DMRT1: variants seen among roughly 807,000 people sequenced by gnomAD.
DMRT1 encodes the protein doublesex- and mab-3-related transcription factor 1.
A neutral mutation model predicts 32.3 loss-of-function variants in DMRT1; 7 were observed. That is an observed-to-expected ratio of 0.22 (90% CI 0.12 to 0.41). The LOEUF (loss-of-function observed/expected upper bound fraction) is 0.41. DMRT1 is among the 10% of genes least tolerant of loss of function. The pLI is 1.00. For missense variants in DMRT1, 625 were observed against 500.5 expected, an observed-to-expected ratio of 1.25 and a Z score of -2.37; for synonymous variants, 278 against 206.1, an observed-to-expected ratio of 1.35 and a Z score of -2.99.
intron 4 of DMRT1, among the ~76,000 whole-genome samples, chr9:947,907 A>T (rs2129940247): frequency 6.6e-6 from 1 of 152,184 alleles, no homozygotes; most frequent in East Asian, 1.9e-4. Context: ...TGATGAATGG[A>T]TTTCTCCCAA....
chr9:912,898 T>C (rs1818038662), intron 3 of DMRT1, among the ~76,000 whole-genome samples: 1 of 152,212 alleles, frequency 6.6e-6, no homozygotes, highest in East Asian at 1.9e-4. Context: ...AGTTCCCTTC[T>C]CACCTTACTC....
At chr9:842,979 C>T (rs542444597) in intron 1 of DMRT1, 2 of 152,326 alleles carry the variant, frequency 1.3e-5, no homozygotes, top group South Asian at 4.1e-4. Context: ...GAGGGTTCGA[C>T]TCCAAGGGAA....
chr9:900,455 C>A (rs1165084775), intron 3 of DMRT1, among the ~76,000 whole-genome samples: 3 of 152,058 alleles, frequency 2.0e-5, no homozygotes, highest in Admixed American at 2.0e-4. Flanking sequence ...CAAAACAAGT[C>A]ACTTTCCAAA....
chr9:942,354 A>G (rs894215616), intron 4 of DMRT1, among the ~76,000 whole-genome samples: 2 of 152,002 alleles, frequency 1.3e-5, no homozygotes, highest in African/African-American at 4.8e-5. Context: ...GCTCACTGCA[A>G]CCCCAACCTC....
intron 1 of DMRT1, among the ~76,000 whole-genome samples, chr9:846,609 C>G (rs941591755): frequency 1.3e-5 from 2 of 152,146 alleles, no homozygotes; most frequent in African/African-American, 4.8e-5. Flanking sequence ...GAGACAGGGT[C>G]TTGCTCTGTC....
intron 3 of DMRT1, among the ~76,000 whole-genome samples, chr9:897,521 G>A (rs187207529): frequency 2.0e-4 from 31 of 151,848 alleles, no homozygotes; most frequent in African/African-American, 6.8e-4. Flanking sequence ...GAGCCCGGGA[G>A]TTGGAGGCTG....
intron 3 of DMRT1, among the ~76,000 whole-genome samples, chr9:907,046 G>A (rs1443892711): frequency 6.6e-6 from 1 of 151,908 alleles, no homozygotes. Flanking sequence ...TAATCTTATC[G>A]TCAGTAACCA....
intron 3 of DMRT1, among the ~76,000 whole-genome samples, chr9:907,149 G>T (rs979079723): frequency 6.6e-6 from 1 of 152,178 alleles, no homozygotes; most frequent in African/African-American, 2.4e-5. Context: ...CATTGTAGAT[G>T]CCTTCAGAGA....
chr9:875,156 C>G (rs368216291), intron 2 of DMRT1, among the ~76,000 whole-genome samples: 2 of 152,096 alleles, frequency 1.3e-5, no homozygotes, highest in African/African-American at 4.8e-5. Context: ...ATGTGCTTGT[C>G]GTTCTGATAA....
chr9:903,801 A>T (rs1277621546), intron 3 of DMRT1, among the ~76,000 whole-genome samples: 1 of 152,216 alleles, frequency 6.6e-6, no homozygotes, highest in African/African-American at 2.4e-5. Context: ...CTCAGAGAAT[A>T]TCTAGAAGGA....
At chr9:946,682 C>T (rs944466900) in intron 4 of DMRT1, among the ~76,000 whole-genome samples, 4 of 152,176 alleles carry the variant, frequency 2.6e-5, no homozygotes, top group Admixed American at 6.5e-5. Context: ...CATTACTAGG[C>T]GATCTCCCCA....
intron 2 of DMRT1, among the ~76,000 whole-genome samples, chr9:889,401 A>G (rs1258276663): frequency 6.6e-6 from 1 of 152,244 alleles, no homozygotes; most frequent in Non-Finnish European, 1.5e-5. Flanking sequence ...AAATATTGGT[A>G]TGGAACAACT....
intron 2 of DMRT1, among the ~76,000 whole-genome samples, chr9:878,272 CAG>C (rs1564217584): frequency 7.6e-6 from 1 of 130,986 alleles, no homozygotes; most frequent in Admixed American, 9.6e-5. Context: ...TTCTCAAAAG[CAG>C]AGTCGAATAA....
At chr9:865,015 T>C (rs1045742431) in intron 2 of DMRT1, among the ~76,000 whole-genome samples, 2 of 152,234 alleles carry the variant, frequency 1.3e-5, no homozygotes, top group Non-Finnish European at 2.9e-5. Context: ...GCTAATCTTA[T>C]TCTTACCAGT....
intron 3 of DMRT1, among the ~76,000 whole-genome samples, chr9:895,874 G>A (rs934007458): frequency 3.4e-5 from 5 of 147,316 alleles, no homozygotes; most frequent in Admixed American, 2.8e-4. Context: ...GCGCGATCTC[G>A]GCTCACTGCA....
intron 2 of DMRT1, among the ~76,000 whole-genome samples, chr9:889,868 C>T (rs1259602246): frequency 6.6e-6 from 1 of 152,094 alleles, no homozygotes; most frequent in Non-Finnish European, 1.5e-5. Flanking sequence ...GTCTAAAATG[C>T]CTTCCTAAAT....
intron 3 of DMRT1, among the ~76,000 whole-genome samples, chr9:911,178 ACAGT>A (rs752805286): frequency 1.1e-4 from 16 of 152,130 alleles, no homozygotes; most frequent in Admixed American, 3.9e-4. Flanking sequence ...CACTGTAGTG[ACAGT>A]CAGCAGCATC....
At chr9:917,798 C>T (rs1207296648) in intron 4 of DMRT1, among the ~76,000 whole-genome samples, 1 of 152,110 alleles carries the variant, frequency 6.6e-6, no homozygotes, top group East Asian at 1.9e-4. Flanking sequence ...AATAGCTGGG[C>T]AAGTTATGCT....
At chr9:916,631 C>G (rs945729570) in intron 3 of DMRT1, 132 bp from the exon 4 acceptor site, 1 of 1,120,998 alleles carries the variant, frequency 8.9e-7, no homozygotes. Flanking sequence ...CCTGGCCTCC[C>G]AAGGTGTCGG....
Sources: gnomAD v4.1 joint callset for allele counts (sites outside exome capture counted in the v4.1 genomes callset) on GRCh38, gnomAD v4.1.1 for gene constraint, MANE v1.5 for transcripts, NCBI Gene and HGNC (gene_info 2026-07-23, HGNC 2026-07-21) for gene names.